METTL15: variants seen among roughly 807,000 people sequenced by gnomAD.
METTL15 encodes the protein methyltransferase 15, mitochondrial 12S rRNA N4-cytidine.
METTL15 carries 34 observed loss-of-function variants against 38.3 expected under a neutral mutation model. The ratio of observed to expected loss-of-function variants is 0.89; its 90% confidence interval spans 0.68 to 1.18. The LOEUF (loss-of-function observed/expected upper bound fraction) is 1.18, where lower values mean the gene tolerates loss of function less well. METTL15 is among the 50% of genes most tolerant of loss of function. METTL15 has a pLI of 0.00. For synonymous variants in METTL15, 162 were observed against 170.9 expected, an observed-to-expected ratio of 0.95 and a Z score of 0.41; for missense variants, 438 against 498.4, an observed-to-expected ratio of 0.88 and a Z score of 1.15.
At chr11:28,334,872 T>C (rs1849886729), downstream of METTL15, among the ~76,000 whole-genome samples, 1 of 152,154 alleles carries the variant, frequency 6.6e-6, no homozygotes, top group Admixed American at 6.5e-5. Flanking sequence ...CACTGACTTT[T>C]TGGCCACCTC....
chr11:28,518,945 A>G (rs984792815), intron 6 of METTL15: 2 of 152,232 alleles, frequency 1.3e-5, no homozygotes, highest in Non-Finnish European at 2.9e-5. Flanking sequence ...AACATTTCAT[A>G]TATGTATCTG....
chr11:28,161,375 C>T (rs1850459372), intron 3 of METTL15, among the ~76,000 whole-genome samples: 1 of 151,950 alleles, frequency 6.6e-6, no homozygotes, highest in Admixed American at 6.6e-5. Flanking sequence ...CTGCCTTGGC[C>T]TGCTTGCACC....
intron 6 of METTL15, among the ~76,000 whole-genome samples, chr11:28,502,259 A>G (rs1851590655): frequency 6.6e-6 from 1 of 152,196 alleles, no homozygotes. Flanking sequence ...TTACTAAAAA[A>G]AGGTTTTTAA....
intron 3 of METTL15, among the ~76,000 whole-genome samples, chr11:28,167,009 C>T (rs1225713895): frequency 1.3e-5 from 2 of 152,022 alleles, no homozygotes; most frequent in South Asian, 2.1e-4. Flanking sequence ...TTTCTATATC[C>T]GGCACTTCTG....
At chr11:28,284,548 A>G (rs1214451137) in intron 4 of METTL15, among the ~76,000 whole-genome samples, 1 of 152,186 alleles carries the variant, frequency 6.6e-6, no homozygotes, top group Admixed American at 6.5e-5. Flanking sequence ...ATAAGACAAA[A>G]ATTGTACTTA....
intron 5 of METTL15, among the ~76,000 whole-genome samples, chr11:28,388,639 C>T (rs1850466223): frequency 6.6e-6 from 1 of 152,034 alleles, no homozygotes; most frequent in African/African-American, 2.4e-5. Flanking sequence ...CTTAAGTATT[C>T]TACAGACTCA....
intron 4 of METTL15, among the ~76,000 whole-genome samples, chr11:28,221,158 T>C (rs970795622): frequency 6.6e-6 from 1 of 152,198 alleles, no homozygotes; most frequent in African/African-American, 2.4e-5. Flanking sequence ...CAGACTGTTT[T>C]CCAACTTGGT....
chr11:28,123,807 T>C (rs917704658), intron 3 of METTL15: 79 of 1,310,144 alleles, frequency 6.0e-5, no homozygotes, highest in Non-Finnish European at 8.0e-5. Context: ...ATAATTAAAT[T>C]TCAAGATAAA....
At chr11:28,380,663 A>T (rs185514390) in intron 5 of METTL15, among the ~76,000 whole-genome samples, 2 of 152,076 alleles carry the variant, frequency 1.3e-5, no homozygotes, top group Non-Finnish European at 2.9e-5. Flanking sequence ...TTGCATTGTA[A>T]TTGTGATCAG....
chr11:28,491,502 G>C (rs1564946363), intron 6 of METTL15, among the ~76,000 whole-genome samples: 1 of 152,116 alleles, frequency 6.6e-6, no homozygotes, highest in Non-Finnish European at 1.5e-5. Flanking sequence ...GTGATGCTAG[G>C]TCACCTGGGC....
chr11:28,531,425 C>G (rs150956530), downstream of METTL15, among the ~76,000 whole-genome samples: 2 of 151,942 alleles, frequency 1.3e-5, no homozygotes, highest in Non-Finnish European at 2.9e-5. Flanking sequence ...TATTCAAGAC[C>G]ACTCCAAACC....
At chr11:28,191,336 G>A (rs1314099213) in intron 3 of METTL15, among the ~76,000 whole-genome samples, 1 of 149,358 alleles carries the variant, frequency 6.7e-6, no homozygotes, top group East Asian at 2.0e-4. Context: ...TTTGTACTTT[G>A]GATGTTCCTG....
intron 3 of METTL15, among the ~76,000 whole-genome samples, chr11:28,151,109 A>C (rs1031533423): frequency 6.6e-6 from 1 of 151,720 alleles, no homozygotes; most frequent in Non-Finnish European, 1.5e-5. Context: ...TTTTCACATG[A>C]TAAATATTTG....
intron 3 of METTL15, among the ~76,000 whole-genome samples, chr11:28,345,706 A>G (rs1849990419): frequency 6.6e-6 from 1 of 152,288 alleles, no homozygotes; most frequent in East Asian, 1.9e-4. Flanking sequence ...TGCGCCAACA[A>G]GACAGCCTTT....
At chr11:28,487,708 G>A (rs184219304) in intron 6 of METTL15, among the ~76,000 whole-genome samples, 1 of 152,206 alleles carries the variant, frequency 6.6e-6, no homozygotes, top group East Asian at 1.9e-4. Context: ...TGTAGATACA[G>A]AATCTAGCCC....
chr11:28,273,634 T>A (rs1285396992), intron 4 of METTL15, among the ~76,000 whole-genome samples: 1 of 152,048 alleles, frequency 6.6e-6, no homozygotes, highest in Non-Finnish European at 1.5e-5. Flanking sequence ...TTAATAATAA[T>A]TGAATTATAA....
At chr11:28,216,823 G>A (rs1236111730) in intron 4 of METTL15, among the ~76,000 whole-genome samples, 1 of 149,770 alleles carries the variant, frequency 6.7e-6, no homozygotes, top group Non-Finnish European at 1.5e-5. Flanking sequence ...TTGGTTTTCT[G>A]TCCTTGCGAT....
At chr11:28,470,182 A>T (rs975129548) in intron 6 of METTL15, among the ~76,000 whole-genome samples, 1 of 152,150 alleles carries the variant, frequency 6.6e-6, no homozygotes, top group African/African-American at 2.4e-5. Context: ...TAAAAAATTC[A>T]TCAATACATT....
intron 3 of METTL15, among the ~76,000 whole-genome samples, chr11:28,208,281 A>T (rs1404496963): frequency 6.6e-6 from 1 of 151,994 alleles, no homozygotes; most frequent in Non-Finnish European, 1.5e-5. Context: ...TCTGCTTTGA[A>T]TGTGTCCCAG....
Sources: gnomAD v4.1 joint callset for allele counts (sites outside exome capture counted in the v4.1 genomes callset) on GRCh38, gnomAD v4.1.1 for gene constraint, MANE v1.5 for transcripts, NCBI Gene and HGNC (gene_info 2026-07-23, HGNC 2026-07-21) for gene names.